ASB9: variants seen among roughly 807,000 people sequenced by gnomAD.
ASB9 encodes ankyrin repeat and SOCS box protein 9.
ASB9 carries 5 observed loss-of-function variants against 16.6 expected under a neutral mutation model. That is an observed-to-expected ratio of 0.30 (90% CI 0.16 to 0.63). ASB9 has a LOEUF of 0.63. Among genes scored for constraint, ASB9 ranks in the 30% least tolerant of loss-of-function variants. The pLI is 0.82. For synonymous variants in ASB9, 100 were observed against 86.4 expected, an observed-to-expected ratio of 1.16 and a Z score of -0.87; for missense variants, 216 against 229.4, an observed-to-expected ratio of 0.94 and a Z score of 0.38.
intron 1 of ASB9, among the ~76,000 whole-genome samples, chrX:15,265,267 T>C (rs1926288358): frequency 8.9e-6 from 1 of 111,940 alleles, no homozygotes; most frequent in Non-Finnish European, 1.9e-5. Flanking sequence ...AGCACTATCA[T>C]GTCCAAAACA....
intron 4 of ASB9, among the ~76,000 whole-genome samples, chrX:15,251,867 A>C (rs1437879243): frequency 8.9e-6 from 1 of 112,821 alleles, no homozygotes; most frequent in Non-Finnish European, 1.9e-5. Flanking sequence ...CTTGATTTCT[A>C]TAAGGTCACG....
intron 6 of ASB9, 86 bp from the exon 7 acceptor site, chrX:15,244,716 G>A: frequency 1.0e-6 from 1 of 966,234 alleles, no homozygotes; most frequent in Non-Finnish European, 1.4e-6. Flanking sequence ...ATCCAAGATA[G>A]AACATTGTTA....
At chrX:15,257,225 C>A (rs1925640503) in intron 2 of ASB9, among the ~76,000 whole-genome samples, 1 of 111,180 alleles carries the variant, frequency 9.0e-6, no homozygotes, top group Admixed American at 9.6e-5. Context: ...GCCTGACCAA[C>A]ATGGTGAAAC....
Position 15,244,593 on chromosome X carries a change from A to T in ASB9, c.798T>A (p.Ile266=). 8.3e-7 allele frequency: 1 copy of T among 1,204,152 alleles called. No homozygotes were observed. Among genetic ancestry groups the T allele is most frequent in the South Asian group, 1.8e-5 (1 of 56,722 alleles). Residue 266 remains isoleucine, a synonymous_variant, in exon 7 of 7, where the codon ATT becomes ATA. Coordinates refer to ENST00000380488, the MANE Select transcript of ASB9 (RefSeq NM_001031739.3). ...PSLMQLCRLR[I]RKCFGIQQHH... ...GCTGCTGGATTCCAAAACACTTCCG[A>T]ATTCTAAGGCGGCATAACTGCATCA...
rs1007575010 is a variant in ASB9 at position 15,250,761 on chromosome X, C to G, written c.434-197G>C. Among the ~76,000 whole-genome samples the G allele has an allele frequency of 2.6e-4, 29 of 111,477 alleles. No homozygotes were observed. In the Admixed American group the frequency reaches 2.8e-3, roughly 11 times the overall value. On this transcript the variant is annotated intron_variant, in intron 4 of 6. Transcript: ENST00000380488. ...TTTAGAAACGGAGTCTCGCTCTGTC[C>G]CCCAGGCTGGAGTGCAGTGGCGCAA...
chrX:15,254,534 T>C lies in ASB9; in HGVS notation c.282+203A>G, dbSNP rs1468466766. 6.2e-5 allele frequency among the ~76,000 whole-genome samples: 7 copies of C among 112,378 alleles called. No homozygotes were observed. The Admixed American group carries it at 6.6e-4, about 11-fold the overall frequency. Reference sequence around the variant, plus strand: ...GTAGTGTATGATAAAGAAAATGATATAGACTGTAAGCGTGACTAAAAATTT... The same window carrying C: ...GTAGTGTATGATAAAGAAAATGATACAGACTGTAAGCGTGACTAAAAATTT... On this transcript the variant is annotated intron_variant, in intron 3 of 6. Coordinates refer to ENST00000380488, the MANE Select transcript of ASB9 (RefSeq NM_001031739.3).
intron 6 of ASB9, among the ~76,000 whole-genome samples, chrX:15,247,286 C>T (rs1428990571): frequency 8.9e-6 from 1 of 111,991 alleles, no homozygotes; most frequent in African/African-American, 3.3e-5. Context: ...CAGCAAATGA[C>T]ACCTCATAAA....
chrX:15,263,807 G>A (rs928762919), intron 1 of ASB9, among the ~76,000 whole-genome samples: 4 of 111,543 alleles, frequency 3.6e-5, no homozygotes, highest in Non-Finnish European at 5.6e-5. Flanking sequence ...TCTACAGGGT[G>A]GGCTCAATTT....
chrX:15,270,111 C>CACACACACAG (rs61538761), upstream of ASB9: 5 of 271,686 alleles, frequency 1.8e-5, no homozygotes, highest in African/African-American at 1.4e-4. Flanking sequence ...CACACACACA[C>CACACACACAG]GTTTTACCTA....
intron 1 of ASB9, among the ~76,000 whole-genome samples, chrX:15,260,000 C>T (rs898287156): frequency 3.6e-5 from 4 of 112,073 alleles, no homozygotes; most frequent in Non-Finnish European, 5.6e-5. Flanking sequence ...ACGGGATGCT[C>T]AACCTGTACT....
chrX:15,256,868 C>T (rs1925614474), intron 2 of ASB9, among the ~76,000 whole-genome samples: 1 of 109,396 alleles, frequency 9.1e-6, no homozygotes, highest in Admixed American at 9.8e-5. Flanking sequence ...ACTATTCATA[C>T]CTAAGACTTA....
chrX:15,252,474 T>C (rs1925204182), intron 3 of ASB9, 70 bp from the exon 4 acceptor site: 1 of 983,631 alleles, frequency 1.0e-6, no homozygotes. Flanking sequence ...GGTCCACCAC[T>C]CTGAAGATGT....
rs757789135 is a variant in ASB9, at chrX:15,250,216, C to A, written c.568+214G>T. Among the ~76,000 whole-genome samples, 28 of 109,449 alleles carry A rather than the reference C, an allele frequency of 2.6e-4. No individual in the cohort carries two copies. The South Asian group carries it at 7.5e-3, about 29-fold the overall frequency. On this transcript the variant is annotated intron_variant, in intron 5 of 6. Transcript: ENST00000380488. ...CATCATCATCATCATCATCCTCCTCCTCCTCCTCCTCCTCCTCATCCTTGT... is the reference window on the plus strand; with the variant it reads ...CATCATCATCATCATCATCCTCCTCATCCTCCTCCTCCTCCTCATCCTTGT...
intron 5 of ASB9, 139 bp downstream of exon 5, chrX:15,250,291 G>T: frequency 1.5e-6 from 1 of 646,375 alleles, no homozygotes; most frequent in Non-Finnish European, 2.3e-6. Context: ...TTCCCCAAGG[G>T]AACACAGTCA....
At chrX:15,245,820 C>T (rs1365780472) in intron 6 of ASB9, among the ~76,000 whole-genome samples, 2 of 111,872 alleles carry the variant, frequency 1.8e-5, no homozygotes, top group East Asian at 5.6e-4. Context: ...CAGGATCAAC[C>T]GAGTTAACTT....
intron 1 of ASB9, among the ~76,000 whole-genome samples, chrX:15,262,278 GAT>G (rs1336997637): frequency 1.8e-5 from 2 of 111,740 alleles, no homozygotes; most frequent in African/African-American, 6.5e-5. Context: ...TTTTTGAGCA[GAT>G]ATATGTTTTC....
intron 5 of ASB9, 24 bp downstream of exon 5, chrX:15,250,406 G>C: frequency 1.7e-6 from 2 of 1,192,841 alleles, no homozygotes; most frequent in Non-Finnish European, 2.3e-6. Flanking sequence ...TTCTTTTCTT[G>C]TTTTGGTTTG....
intron 1 of ASB9, among the ~76,000 whole-genome samples, chrX:15,267,766 A>C (rs1206748696): frequency 9.5e-6 from 1 of 105,226 alleles, no homozygotes; most frequent in Non-Finnish European, 1.9e-5. Context: ...AAAAAAAAAA[A>C]AAAAAGAAAT....
upstream of ASB9, chrX:15,270,105 C>G (rs1255635761): frequency 3.4e-6 from 1 of 297,991 alleles, no homozygotes; most frequent in Non-Finnish European, 5.7e-6. Context: ...CACACACACA[C>G]ACACACGTTT....
Sources: allele counts gnomAD v4.1 joint callset (sites outside exome capture counted in the v4.1 genomes callset), GRCh38; gene constraint gnomAD v4.1.1; transcripts MANE v1.5; gene names NCBI Gene and HGNC (gene_info 2026-07-23, HGNC 2026-07-21).